Variants in CSMD3 observed in about 807,000 individuals in gnomAD.
CSMD3 encodes the protein CUB and sushi domain-containing protein 3.
CSMD3 carries 177 observed loss-of-function variants against 435.2 expected under a neutral mutation model. That is an observed-to-expected ratio of 0.41 (90% confidence interval 0.36 to 0.46). The LOEUF (loss-of-function observed/expected upper bound fraction) is 0.46, where lower values mean the gene tolerates loss of function less well. CSMD3 is among the 20% of genes least tolerant of loss of function. The pLI, the probability that CSMD3 is intolerant of heterozygous loss-of-function variation, is 0.34. For missense variants in CSMD3, 4,265 were observed against 4,504.6 expected (o/e 0.95, Z 1.52); for synonymous variants, 1,656 against 1,520.5 (o/e 1.09, Z -2.07).
chr8:112,290,976 T>C (rs1456665081), intron 56 of CSMD3, among the ~76,000 whole-genome samples: 1 of 152,034 alleles, frequency 6.6e-6, no homozygotes, highest in African/African-American at 2.4e-5. Context: ...ACAACTCCTA[T>C]CATAACATAT....
At chr8:112,685,766 A>T (rs766382853) in intron 14 of CSMD3, 34 bp from the exon 15 acceptor site, 1 of 1,257,230 alleles carries the variant, frequency 8.0e-7, no homozygotes, top group East Asian at 2.3e-5. Flanking sequence ...AATACAATAA[A>T]TATTCAAAAA....
intron 6 of CSMD3, among the ~76,000 whole-genome samples, chr8:112,978,496 C>G (rs1041847677): frequency 6.6e-6 from 1 of 151,918 alleles, no homozygotes; most frequent in Non-Finnish European, 1.5e-5. Context: ...GGAGTTAGAA[C>G]TGATCTTTGG....
intron 11 of CSMD3, among the ~76,000 whole-genome samples, chr8:112,830,578 A>G (rs1420742132): frequency 6.6e-6 from 1 of 152,128 alleles, no homozygotes; most frequent in Non-Finnish European, 1.5e-5. Context: ...AATGTCCTGC[A>G]TAGAGTCATG....
chr8:113,210,044 G>GTGTGTGTGTGTGTGTA lies in CSMD3; in HGVS notation c.515-36129_515-36128insTACACACACACACACA, dbSNP rs57446626. On this transcript the variant is annotated intron_variant, in intron 3 of 70. Coordinates refer to ENST00000297405, the MANE Select transcript of CSMD3 (RefSeq NM_198123.2). ...TGTGTGTGTGTGTGTGTGTGTGTGT[G>GTGTGTGTGTGTGTGTA]TGATACACAGTGTTTTCTAATTTTA... 9.4e-5 allele frequency among the ~76,000 whole-genome samples: 14 copies of GTGTGTGTGTGTGTGTA among 149,452 alleles called. No homozygotes were observed. The East Asian group carries it at 1.6e-3, about 17-fold the overall frequency.
intron 4 of CSMD3, among the ~76,000 whole-genome samples, 172 bp downstream of exon 4, chr8:113,173,550 G>A (rs2092302257): frequency 6.6e-6 from 1 of 152,108 alleles, no homozygotes; most frequent in Non-Finnish European, 1.5e-5. Context: ...TCAAACTCCT[G>A]ACCTCAAGTG....
At chr8:113,151,349 T>C (rs1564369077) in intron 4 of CSMD3, among the ~76,000 whole-genome samples, 2 of 151,954 alleles carry the variant, frequency 1.3e-5, no homozygotes, top group Non-Finnish European at 2.9e-5. Context: ...AAGGTTCATT[T>C]GGGAAGCCAA....
At chr8:112,651,999 CA>C (rs2075138639) in intron 18 of CSMD3, among the ~76,000 whole-genome samples, 1 of 152,088 alleles carries the variant, frequency 6.6e-6, no homozygotes, top group Admixed American at 6.6e-5. Context: ...CAAACAATAA[CA>C]TTTAGCATGT....
chr8:113,374,030 T>A (rs2094362926), intron 1 of CSMD3, among the ~76,000 whole-genome samples: 1 of 152,066 alleles, frequency 6.6e-6, no homozygotes, highest in Admixed American at 6.5e-5. Flanking sequence ...AGGAGGAATA[T>A]CTCCAAATTT....
intron 4 of CSMD3, among the ~76,000 whole-genome samples, chr8:113,146,770 G>A (rs1247927070): frequency 2.0e-5 from 3 of 151,444 alleles, no homozygotes; most frequent in Admixed American, 6.6e-5. Context: ...AACATATAGT[G>A]GTTTTTGGTA....
chr8:112,696,632 A>T (rs1165771899), intron 13 of CSMD3, among the ~76,000 whole-genome samples: 2 of 152,088 alleles, frequency 1.3e-5, no homozygotes, highest in Admixed American at 1.3e-4. Context: ...CAAGAAGAAA[A>T]CCTAGGCAAT....
chr8:113,033,715 G>T (rs1458924544), intron 5 of CSMD3, among the ~76,000 whole-genome samples: 1 of 151,272 alleles, frequency 6.6e-6, no homozygotes, highest in Admixed American at 6.6e-5. Context: ...TTGGGGAACT[G>T]TTAGGAAGGC....
chr8:113,174,238 A>G (rs776158611), intron 3 of CSMD3, among the ~76,000 whole-genome samples: 19 of 152,264 alleles, frequency 1.2e-4, no homozygotes, highest in Non-Finnish European at 1.8e-4. Context: ...GGCTTTTTCA[A>G]AGTTACATTC....
intron 32 of CSMD3, among the ~76,000 whole-genome samples, chr8:112,424,548 C>G (rs905657521): frequency 2.0e-5 from 3 of 152,184 alleles, no homozygotes; most frequent in African/African-American, 7.2e-5. Context: ...AAGACTCTCA[C>G]TAGAGACCAA....
At chr8:113,320,470 T>C (rs184929009) in intron 1 of CSMD3, among the ~76,000 whole-genome samples, 1 of 152,196 alleles carries the variant, frequency 6.6e-6, no homozygotes, top group East Asian at 1.9e-4. Flanking sequence ...TTTAATTTTT[T>C]TGAGCGTGCT....
rs140641970 is a variant in CSMD3, at chr8:113,058,410, T to C, written c.918-39231A>G. ...TTTGTATTGCTTTTTACCTAACTTA[T>C]TGAGTTTGCTGGGTTTTTTTAATAA... On this transcript the variant is annotated intron_variant, in intron 5 of 70. Transcript: ENST00000297405. Among the ~76,000 whole-genome samples the C allele has an allele frequency of 1.3e-3, 200 of 152,020 alleles. 1 individual carries two copies. Among genetic ancestry groups the C allele is most frequent in the African/African-American group, 4.5e-3 (187 of 41,542 alleles).
intron 13 of CSMD3, among the ~76,000 whole-genome samples, chr8:112,759,497 A>G (rs182943013): frequency 2.2e-4 from 34 of 152,262 alleles, no homozygotes; most frequent in Admixed American, 1.6e-3. Context: ...TAACATTTAT[A>G]TTACATTGAA....
At chr8:112,526,839 A>G (rs1409724840) in intron 27 of CSMD3, among the ~76,000 whole-genome samples, 1 of 151,984 alleles carries the variant, frequency 6.6e-6, no homozygotes, top group African/African-American at 2.4e-5. Flanking sequence ...AGGAAATGGA[A>G]ATACACTATT....
chr8:113,264,412 AT>A (rs1376157612), intron 3 of CSMD3, among the ~76,000 whole-genome samples: 1 of 151,068 alleles, frequency 6.6e-6, no homozygotes, highest in Non-Finnish European at 1.5e-5. Context: ...ATATATATAT[AT>A]ATATGAAGGA....
chr8:113,399,218 C>T (rs1375664101), intron 1 of CSMD3, among the ~76,000 whole-genome samples: 1 of 150,082 alleles, frequency 6.7e-6, no homozygotes, highest in Non-Finnish European at 1.5e-5. Context: ...GATTATTCCC[C>T]ATGTTTATTG....
Sources: gnomAD v4.1 joint callset for allele counts (sites outside exome capture counted in the v4.1 genomes callset) on GRCh38, gnomAD v4.1.1 for gene constraint, MANE v1.5 for transcripts, NCBI Gene and HGNC (gene_info 2026-07-23, HGNC 2026-07-21) for gene names.